Variants in TBCK observed in about 807,000 individuals in gnomAD.
The protein encoded by TBCK is TBC domain-containing protein kinase-like protein.
A neutral mutation model predicts 113.4 loss-of-function variants in TBCK; 99 were observed. The observed-to-expected ratio is 0.87, with a 90% CI of 0.74 to 1.03. The LOEUF is 1.03. Among genes scored for constraint, TBCK ranks in the 50% least tolerant of loss-of-function variants. TBCK has a pLI of 0.00. For synonymous variants in TBCK, 369 were observed against 370.8 expected, an observed-to-expected ratio of 1.00 and a Z score of 0.05; for missense variants, 1,045 against 1,061.3, an observed-to-expected ratio of 0.98 and a Z score of 0.21.
intron 24 of TBCK, among the ~76,000 whole-genome samples, chr4:106,097,909 T>C (rs550237829): frequency 1.3e-5 from 2 of 152,156 alleles, no homozygotes; most frequent in Admixed American, 6.5e-5. Context: ...TTTTGACATA[T>C]GGTGACTCTG....
rs1463125944 is a variant in TBCK at position 106,041,626 on chromosome 4, T to A, written c.*4944A>T. Reference sequence around the variant, plus strand: ...ATTTAGAACTGTTTATTAGAACAGATCAGTATTATTAGAATAGAACAGTAT... The same window carrying A: ...ATTTAGAACTGTTTATTAGAACAGAACAGTATTATTAGAATAGAACAGTAT... On this transcript the variant is annotated 3_prime_UTR_variant, in exon 26 of 26. Coordinates refer to ENST00000394708, the MANE Select transcript of TBCK (RefSeq NM_001163435.3). 1 of 152,134 alleles carries A rather than the reference T, an allele frequency of 6.6e-6. No homozygotes were observed. Among genetic ancestry groups the A allele is most frequent in the African/African-American group, 2.4e-5 (1 of 41,432 alleles). 9.4% of individuals were successfully genotyped at this position (152,134 alleles called of 1,614,324 possible).
rs1423255633 is a variant in TBCK at position 106,198,587 on chromosome 4, AT to A, written c.1861-3834del. On this transcript the variant is annotated intron_variant, in intron 20 of 25. Coordinates refer to ENST00000394708, the MANE Select transcript of TBCK (RefSeq NM_001163435.3). ...CTTGTTCTGTGAAAACTTTTTGTAT[AT>A]TTTTTATGATACCTATCCCACTATG... is the stretch of plus-strand genomic sequence containing the variant. Among the ~76,000 whole-genome samples the A allele has an allele frequency of 7.9e-5, 12 of 152,138 alleles. No individual in the cohort carries two copies. In the South Asian group the frequency reaches 8.3e-4, roughly 11 times the overall value.
At chr4:106,297,866 A>G (rs914724847) in intron 2 of TBCK, 2 of 152,186 alleles carry the variant, frequency 1.3e-5, no homozygotes, top group African/African-American at 4.8e-5. Flanking sequence ...TTTCTGTAAG[A>G]TGAAGAGAAG....
intron 23 of TBCK, among the ~76,000 whole-genome samples, chr4:106,157,972 T>G (rs1749322089): frequency 6.6e-6 from 1 of 152,156 alleles, no homozygotes; most frequent in Non-Finnish European, 1.5e-5. Context: ...ATAGAGGCCT[T>G]AAAGCAGAAG....
At chr4:106,316,432 G>A (rs1280560711), upstream of TBCK, 8 of 1,053,774 alleles carry the variant, frequency 7.6e-6, no homozygotes, top group African/African-American at 1.3e-4. Context: ...ATGGGACTGA[G>A]CACAGGAAGA....
At chr4:106,096,108 T>G (rs1740871798) in intron 24 of TBCK, among the ~76,000 whole-genome samples, 1 of 152,172 alleles carries the variant, frequency 6.6e-6, no homozygotes, top group Non-Finnish European at 1.5e-5. Flanking sequence ...AACATTAACA[T>G]TCCAGTAGGC....
chr4:106,216,743 A>C (rs1399544370), intron 19 of TBCK, among the ~76,000 whole-genome samples: 1 of 152,054 alleles, frequency 6.6e-6, no homozygotes, highest in Admixed American at 6.6e-5. Flanking sequence ...CCAACCAAAA[A>C]GAGTCCAGGA....
chr4:106,204,395 G>T (rs1366671641), intron 20 of TBCK, among the ~76,000 whole-genome samples: 2 of 152,134 alleles, frequency 1.3e-5, no homozygotes, highest in Admixed American at 6.5e-5. Flanking sequence ...TCCCTTCGGG[G>T]TCCACCAATT....
intron 11 of TBCK, among the ~76,000 whole-genome samples, chr4:106,243,246 T>C (rs1214890940): frequency 6.6e-6 from 1 of 152,136 alleles, no homozygotes; most frequent in African/African-American, 2.4e-5. Context: ...TTTACAACCC[T>C]TTGTTCATGC....
At chr4:106,106,408 C>T (rs1345505539) in intron 24 of TBCK, among the ~76,000 whole-genome samples, 3 of 152,160 alleles carry the variant, frequency 2.0e-5, no homozygotes, top group Admixed American at 2.0e-4. Flanking sequence ...GGGCAGGTCA[C>T]CTACAAAGGG....
intron 1 of TBCK, among the ~76,000 whole-genome samples, chr4:106,309,307 T>TC (rs1412601493): frequency 2.2e-5 from 2 of 93,010 alleles, no homozygotes; most frequent in Non-Finnish European, 4.9e-5. Flanking sequence ...GCTCTTCTCT[T>TC]TTTTTTTTTT....
chr4:106,216,515 T>G (rs1483480649), intron 19 of TBCK, among the ~76,000 whole-genome samples: 4 of 151,282 alleles, frequency 2.6e-5, no homozygotes, highest in East Asian at 1.9e-4. Flanking sequence ...ATAGACGCAA[T>G]AAAAAATGAT....
chr4:106,265,059 T>A (rs1159394143), intron 3 of TBCK, among the ~76,000 whole-genome samples: 1 of 151,916 alleles, frequency 6.6e-6, no homozygotes, highest in Non-Finnish European at 1.5e-5. Flanking sequence ...CCAATATGTC[T>A]AATGTGGGCA....
intron 23 of TBCK, among the ~76,000 whole-genome samples, chr4:106,117,384 T>G (rs1051435118): frequency 1.3e-5 from 2 of 152,208 alleles, no homozygotes; most frequent in Non-Finnish European, 2.9e-5. Flanking sequence ...ATGTTATATA[T>G]AAATGGTTGA....
intron 3 of TBCK, among the ~76,000 whole-genome samples, chr4:106,285,656 A>G (rs1765043266): frequency 6.6e-6 from 1 of 152,216 alleles, no homozygotes; most frequent in South Asian, 2.1e-4. Context: ...GCTTATGTTT[A>G]GAAAATCAAC....
chr4:106,224,718 T>C lies in TBCK; in HGVS notation c.1774+5645A>G, dbSNP rs553052319. ...TCTTTAGCTTTCCATCTCTCTTTCC[T>C]ACCCGACAGATCAGATTTGATTAGT... On this transcript the variant is annotated intron_variant, in intron 19 of 25. Transcript: ENST00000394708. Among the ~76,000 whole-genome samples the C allele has an allele frequency of 3.9e-5, 6 of 152,320 alleles. No homozygotes were observed. In the South Asian group the frequency reaches 1.0e-3, roughly 26 times the overall value.
intron 3 of TBCK, among the ~76,000 whole-genome samples, chr4:106,292,099 A>T (rs1765779076): frequency 1.3e-5 from 2 of 152,238 alleles, no homozygotes; most frequent in South Asian, 4.1e-4. Context: ...GTATATGCAG[A>T]CACAGCGGCC....
chr4:106,154,179 A>G (rs1365330109), intron 23 of TBCK, among the ~76,000 whole-genome samples: 1 of 151,592 alleles, frequency 6.6e-6, no homozygotes, highest in East Asian at 1.9e-4. Flanking sequence ...GGGATTTTCT[A>G]TTGTGATATG....
chr4:106,041,994 T>G lies in TBCK; in HGVS notation c.*4576A>C, dbSNP rs1290986452. The stretch of plus-strand genomic sequence containing the variant: ...ACTGGATTACAAAACCTAAAGGTTG[T>G]GTGTGAGCAATTACATACCCTGTTA... On this transcript the variant is annotated 3_prime_UTR_variant, in exon 26 of 26. Transcript: ENST00000394708. 4 of 152,234 alleles carry G rather than the reference T, an allele frequency of 2.6e-5. No individual in the cohort carries two copies. In the East Asian group the frequency reaches 5.8e-4, roughly 22 times the overall value. The allele number at this position is 152,234 out of a possible 1,614,324, so 9.4% of individuals were successfully genotyped here. A position where few individuals can be genotyped will look rare whatever the true frequency, so the allele number is the denominator to read the frequency against.
Sources: allele counts gnomAD v4.1 joint callset (sites outside exome capture counted in the v4.1 genomes callset), GRCh38; gene constraint gnomAD v4.1.1; transcripts MANE v1.5; gene names NCBI Gene and HGNC (gene_info 2026-07-23, HGNC 2026-07-21).